The following TMX3 variants were observed in gnomAD, a reference collection of about 807,000 sequenced individuals.
TMX3 encodes the protein protein disulfide-isomerase TMX3.
A neutral mutation model predicts 64.4 loss-of-function variants in TMX3; 40 were observed. The ratio of observed to expected loss-of-function variants is 0.62; its 90% CI spans 0.48 to 0.81. The LOEUF is 0.81. TMX3 is among the 30% of genes least tolerant of loss of function. The pLI is 0.00. For synonymous variants in TMX3, 189 were observed against 175.7 expected (o/e 1.08, Z -0.60); for missense variants, 497 against 534.5 (o/e 0.93, Z 0.69).
In TMX3 at chr18:68,714,983, C is replaced by T; in HGVS notation, c.-2G>A. 3 of 1,571,974 alleles carry T rather than the reference C, an allele frequency of 1.9e-6. No homozygotes were observed. The highest frequency in any genetic ancestry group is 2.6e-6 in the Non-Finnish European group (3 of 1,159,320). On this transcript the variant is annotated 5_prime_UTR_variant, in exon 1 of 16. Coordinates refer to ENST00000299608, the MANE Select transcript of TMX3 (RefSeq NM_019022.5). Reference sequence around the variant, plus strand: ...CGTCCAACTCTTCCACGCTGCCATGCTAGCCCGGGAGAGCTGCAGAAGCTG... The same window carrying T: ...CGTCCAACTCTTCCACGCTGCCATGTTAGCCCGGGAGAGCTGCAGAAGCTG...
chr18:68,685,724 A>G (rs1913885695), intron 10 of TMX3, among the ~76,000 whole-genome samples: 2 of 152,306 alleles, frequency 1.3e-5, no homozygotes, highest in South Asian at 2.1e-4. Context: ...AACACAATAG[A>G]ACTGGTAGAC....
chr18:68,687,256 C>T (rs866642259), intron 10 of TMX3: 21 of 984,796 alleles, frequency 2.1e-5, no homozygotes, highest in African/African-American at 5.3e-5. Flanking sequence ...TTTCCAACAG[C>T]GTAACTTGAA....
In TMX3 at chr18:68,710,122, TG is replaced by T. The variant is rs2031122996; in HGVS notation, c.163del (p.His55IlefsTer16). 1 of 1,591,628 alleles carries T rather than the reference TG, an allele frequency of 6.3e-7. No homozygotes were observed. The highest frequency in any genetic ancestry group is 8.5e-7 in the Non-Finnish European group (1 of 1,170,700). On this transcript the variant is annotated frameshift_variant, in exon 4 of 16. Coordinates refer to ENST00000299608, the MANE Select transcript of TMX3 (RefSeq NM_019022.5). LOFTEE classifies it high-confidence loss of function. The stretch of plus-strand genomic sequence containing the variant: ...CCAAATTGGTTCCAGCTTTTTACAA[TG>T]GCCACACCATGGCGCATAAAACTTG... ...LVDFYAPWCG[H>X]CKKLEPIWNE... is the part of the protein sequence containing the mutation.
At chr18:68,709,312 T>C (rs1346935945) in intron 4 of TMX3, among the ~76,000 whole-genome samples, 1 of 152,142 alleles carries the variant, frequency 6.6e-6, no homozygotes, top group Non-Finnish European at 1.5e-5. Flanking sequence ...ACTTCTTCTT[T>C]TTCCCAAATC....
intron 4 of TMX3, among the ~76,000 whole-genome samples, chr18:68,704,998 G>A (rs218287): frequency 0.99 from 150,510 of 152,332 alleles, 74,377 homozygotes; most frequent in East Asian, 1. Context: ...TTTAGCTCAA[G>A]GATACTACCT....
intron 9 of TMX3, among the ~76,000 whole-genome samples, chr18:68,689,205 A>G (rs1914262345): frequency 6.6e-6 from 1 of 152,212 alleles, no homozygotes; most frequent in South Asian, 2.1e-4. Flanking sequence ...ATACTACTGC[A>G]GGTTAGAGAA....
chr18:68,697,697 A>C (rs945392471), intron 7 of TMX3: 1 of 442,656 alleles, frequency 2.3e-6, no homozygotes, highest in Admixed American at 4.0e-5. Flanking sequence ...TTAATAACAG[A>C]AAAAAATGCT....
intron 10 of TMX3, chr18:68,687,357 A>C: frequency 3.0e-6 from 3 of 985,376 alleles, no homozygotes; most frequent in Non-Finnish European, 3.6e-6. Context: ...TTTAACTCCT[A>C]TTACAAAATC....
chr18:68,695,184 C>T (rs911558272), intron 8 of TMX3, among the ~76,000 whole-genome samples: 1 of 152,152 alleles, frequency 6.6e-6, no homozygotes, highest in Admixed American at 6.5e-5. Flanking sequence ...CATGTGGACA[C>T]ACATTGTGGT....
chr18:68,697,237 C>T lies in TMX3; in HGVS notation c.559G>A (p.Val187Met). 6.4e-7 allele frequency: 1 copy of T among 1,568,082 alleles called. No homozygotes were observed. Among genetic ancestry groups the T allele is most frequent in the Non-Finnish European group, 8.7e-7 (1 of 1,151,632 alleles). The change falls in exon 8 of 16, where the codon GTG becomes ATG. Residue 187 changes from valine to methionine, a missense_variant. By Grantham distance (21) the Val-to-Met change is conservative. Coordinates refer to ENST00000299608, the MANE Select transcript of TMX3 (RefSeq NM_019022.5). Reference protein sequence around the residue: ...YTYFFSASEEVVPEYVTLKEM... With the variant: ...YTYFFSASEEMVPEYVTLKEM... ...ATTTTAAATATTACCTCAGGAACCA[C>T]TTCTTCTGAGGCAGAAAAGAAGTAT... is the stretch of plus-strand genomic sequence containing the variant.
intron 7 of TMX3, 143 bp from the exon 8 acceptor site, chr18:68,697,446 A>G: frequency 2.3e-6 from 1 of 432,074 alleles, no homozygotes. Flanking sequence ...TGAAGAGAAG[A>G]AATGTAAGCA....
intron 1 of TMX3, 41 bp downstream of exon 1, chr18:68,714,895 C>T (rs1268201405): frequency 6.5e-7 from 1 of 1,548,386 alleles, no homozygotes; most frequent in South Asian, 1.2e-5. Context: ...GGGCCAGGTC[C>T]CACGCGCCCG....
chr18:68,700,518 T>C, intron 5 of TMX3, 33 bp from the exon 6 acceptor site: 1 of 1,386,756 alleles, frequency 7.2e-7, no homozygotes, highest in Non-Finnish European at 9.8e-7. Context: ...AAACCTGGAT[T>C]GTTCTAACAG....
intron 10 of TMX3, among the ~76,000 whole-genome samples, chr18:68,685,648 A>G (rs1434413435): frequency 6.6e-6 from 1 of 152,178 alleles, no homozygotes; most frequent in Admixed American, 6.5e-5. Context: ...TGTACCACAC[A>G]CTGGGCTGGT....
chr18:68,681,882 C>T (rs1224005580), intron 13 of TMX3, among the ~76,000 whole-genome samples: 1 of 152,154 alleles, frequency 6.6e-6, no homozygotes, highest in African/African-American at 2.4e-5. Flanking sequence ...TAGCACTCTC[C>T]TAAGCCCAGT....
At chr18:68,704,377 G>A (rs1033011375) in intron 4 of TMX3, among the ~76,000 whole-genome samples, 4 of 152,044 alleles carry the variant, frequency 2.6e-5, no homozygotes, top group South Asian at 4.2e-4. Flanking sequence ...AGGAAGATTC[G>A]GTAACTCGTT....
intron 13 of TMX3, chr18:68,681,471 A>C (rs904968922): frequency 2.0e-6 from 2 of 985,288 alleles, no homozygotes; most frequent in Admixed American, 1.2e-4. Context: ...TTGTATAGAT[A>C]CTTTTTTTCT....
intron 8 of TMX3, among the ~76,000 whole-genome samples, chr18:68,694,933 GA>G (rs1914910597): frequency 6.6e-6 from 1 of 151,506 alleles, no homozygotes. Flanking sequence ...TTTGTGAAAA[GA>G]AAAATATTTC....
intron 4 of TMX3, among the ~76,000 whole-genome samples, chr18:68,708,006 T>C (rs1027373582): frequency 3.4e-5 from 5 of 146,656 alleles, no homozygotes; most frequent in Non-Finnish European, 7.4e-5. Context: ...TGTATATATA[T>C]GTGTATATGT....
Sources: allele counts gnomAD v4.1 joint callset (sites outside exome capture counted in the v4.1 genomes callset), GRCh38; gene constraint gnomAD v4.1.1; transcripts MANE v1.5; gene names NCBI Gene and HGNC (gene_info 2026-07-23, HGNC 2026-07-21).